Variants in ERCC1 observed in about 807,000 individuals in gnomAD.
ERCC1 encodes the protein DNA excision repair protein ERCC-1.
ERCC1 carries 36 observed loss-of-function variants against 37.6 expected under a neutral mutation model. The ratio of observed to expected loss-of-function variants is 0.96; its 90% CI spans 0.73 to 1.26. The LOEUF (loss-of-function observed/expected upper bound fraction) is 1.26. ERCC1 is among the 50% of genes most tolerant of loss of function. The probability of loss-of-function intolerance (pLI) is 0.00; values close to 1 mark genes in which losing one functional copy is unlikely to be tolerated. For synonymous variants in ERCC1, 156 were observed against 162.1 expected (o/e 0.96, Z 0.28); for missense variants, 349 against 376.5 (o/e 0.93, Z 0.60).
chr19:45,409,892 A>ATTATTTTT (rs1973592706), intron 9 of ERCC1, 167 bp from the exon 10 acceptor site: 1 of 202,006 alleles, frequency 5.0e-6, no homozygotes, highest in Non-Finnish European at 8.2e-6. Context: ...TATTATTATT[A>ATTATTTTT]TTATTTTTTT....
chr19:45,443,777 C>T (rs1975183044), intron 1 of ERCC1, among the ~76,000 whole-genome samples: 1 of 151,952 alleles, frequency 6.6e-6, no homozygotes, highest in African/African-American at 2.4e-5. Context: ...CCCTTGTTTC[C>T]GGCCCGGTTT....
At chr19:45,444,334 G>C (rs1173413595) in intron 1 of ERCC1, among the ~76,000 whole-genome samples, 2 of 99,720 alleles carry the variant, frequency 2.0e-5, no homozygotes, top group African/African-American at 7.7e-5. Flanking sequence ...GCCCAAGGCC[G>C]GCCCGCGCCC....
intron 1 of ERCC1, among the ~76,000 whole-genome samples, chr19:45,434,177 G>A (rs112196554): frequency 1.4e-3 from 171 of 121,148 alleles, no homozygotes; most frequent in African/African-American, 5.4e-3. Context: ...AAAAAAAAAA[G>A]AGGAAGAAGA....
At chr19:45,437,006 T>A (rs1020034884) in intron 1 of ERCC1, among the ~76,000 whole-genome samples, 2 of 152,046 alleles carry the variant, frequency 1.3e-5, no homozygotes, top group African/African-American at 2.4e-5. Context: ...TCCCAGCACT[T>A]TGGGAGGCCA....
chr19:45,416,661 G>T, intron 6 of ERCC1, 160 bp downstream of exon 6: 38 of 558,438 alleles, frequency 6.8e-5, no homozygotes, highest in Non-Finnish European at 9.3e-5. Flanking sequence ...AAAAAATTAA[G>T]ACCTTGTTTT....
At chr19:45,427,779 C>A (rs1974731055), upstream of ERCC1, among the ~76,000 whole-genome samples, 1 of 152,132 alleles carries the variant, frequency 6.6e-6, no homozygotes, top group Non-Finnish European at 1.5e-5. Flanking sequence ...TGCAAGGGGG[C>A]GATGGTGCAC....
At chr19:45,437,383 G>A (rs964760680) in intron 1 of ERCC1, among the ~76,000 whole-genome samples, 4 of 151,928 alleles carry the variant, frequency 2.6e-5, no homozygotes, top group East Asian at 1.9e-4. Flanking sequence ...TCAGGATGTC[G>A]AAGGGTTATC....
chr19:45,440,994 C>G (rs1386223355), intron 1 of ERCC1, among the ~76,000 whole-genome samples: 1 of 152,124 alleles, frequency 6.6e-6, no homozygotes, highest in African/African-American at 2.4e-5. Flanking sequence ...CCTCTGGCCT[C>G]CTCCTAGGAA....
chr19:45,412,286 G>GT (rs1248148914), intron 9 of ERCC1, among the ~76,000 whole-genome samples: 1 of 152,036 alleles, frequency 6.6e-6, no homozygotes, highest in Non-Finnish European at 1.5e-5. Context: ...AGCCACTCAA[G>GT]TAGCTGGGAT....
upstream of ERCC1, among the ~76,000 whole-genome samples, chr19:45,427,082 T>C (rs1171633901): frequency 6.6e-6 from 1 of 151,804 alleles, no homozygotes; most frequent in East Asian, 1.9e-4. Context: ...TGAGCTGCGA[T>C]TGTGCCACTG....
Position 45,408,314 on chromosome 19 carries a change from A to C in ERCC1, c.*1361T>G. ...TGCCTCAGCCCCCCAGGGCACCCTAAGGATCCTTGAGGGTCCCCAGCAATC... is the reference window on the plus strand; with the variant it reads ...TGCCTCAGCCCCCCAGGGCACCCTACGGATCCTTGAGGGTCCCCAGCAATC... On this transcript the variant is annotated 3_prime_UTR_variant, in exon 10 of 10. Transcript: ENST00000300853. The C allele has an allele frequency of 6.2e-7, 1 of 1,610,772 alleles. No individual in the cohort carries two copies. Among genetic ancestry groups the C allele is most frequent in the Non-Finnish European group, 8.5e-7 (1 of 1,177,864 alleles).
Position 45,420,828 on chromosome 19 carries a change from C to T in ERCC1, c.321+350G>A, listed in dbSNP as rs3212950. Among the ~76,000 whole-genome samples, 1 of 151,816 alleles carries T rather than the reference C, an allele frequency of 6.6e-6. No homozygotes were observed. The highest frequency in any genetic ancestry group is 1.5e-5 in the Non-Finnish European group (1 of 67,936). On this transcript the variant is annotated intron_variant, in intron 3 of 9. Coordinates refer to ENST00000300853, the MANE Select transcript of ERCC1 (RefSeq NM_001983.4). The surrounding 1 kb of genome is among the most constrained non-coding windows in gnomAD (Gnocchi z 4.8). ...AGTAGAGATGGGGTGTCACCATATT[C>T]GCCAGACTGGTCTCGAACTCCTGAC...
rs570526401 is a variant in ERCC1 at position 45,411,241 on chromosome 19, G to A, written c.844-1516C>T. On this transcript the variant is annotated intron_variant, in intron 9 of 9. Transcript: ENST00000300853. The stretch of plus-strand genomic sequence containing the variant: ...GTTCTAAGTTTTGGCAATGTGAACT[G>A]TGCTGCAACAAACAGGAGTGCAGAT... 9.8e-5 allele frequency among the ~76,000 whole-genome samples: 15 copies of A among 152,340 alleles called. No homozygotes were observed. The East Asian group carries it at 2.1e-3, about 22-fold the overall frequency.
In ERCC1 at chr19:45,409,047, C is replaced by T. The variant is rs764743323; in HGVS notation, c.*628G>A. The T allele has an allele frequency of 1.2e-6, 2 of 1,614,066 alleles. No homozygotes were observed. The highest frequency in any genetic ancestry group is 3.3e-5 in the Admixed American group (2 of 60,012). On this transcript the variant is annotated 3_prime_UTR_variant, in exon 10 of 10. Coordinates refer to ENST00000300853, the MANE Select transcript of ERCC1 (RefSeq NM_001983.4). The stretch of plus-strand genomic sequence containing the variant: ...CCGGAGATGAAGCCTCTGGAGTCCC[C>T]AGGGGGGACCATGGCGCCTCAACAG...
rs945811300 is a variant in ERCC1, at chr19:45,415,735, C to T, written c.603-775G>A. The stretch of plus-strand genomic sequence containing the variant: ...ACCTGGTAGTAACCACTGCTGGGCG[C>T]ATCTTGATATCTTTTCTGGCTACAG... On this transcript the variant is annotated intron_variant, in intron 6 of 9. Coordinates refer to ENST00000300853, the MANE Select transcript of ERCC1 (RefSeq NM_001983.4). The T allele has an allele frequency of 1.5e-5, 7 of 455,724 alleles. No homozygotes were observed. In the Admixed American group the frequency reaches 1.6e-4, roughly 11 times the overall value. 28.2% of individuals were successfully genotyped at this position (455,724 alleles called of 1,614,324 possible). A position where few individuals can be genotyped will look rare whatever the true frequency, so the allele number is the denominator to read the frequency against.
chr19:45,426,469 T>C (rs1480869260), upstream of ERCC1, among the ~76,000 whole-genome samples: 3 of 150,820 alleles, frequency 2.0e-5, no homozygotes, highest in South Asian at 6.3e-4. Context: ...GAGAATTGCT[T>C]GAACCCTGGA....
chr19:45,418,642 G>GT (rs1974208253), intron 5 of ERCC1, among the ~76,000 whole-genome samples: 1 of 151,980 alleles, frequency 6.6e-6, no homozygotes, highest in Admixed American at 6.6e-5. Context: ...GGCCAACATG[G>GT]TGAAAACCAG....
At chr19:45,410,561 TTCTTTGTG>T (rs1429983367) in intron 9 of ERCC1, 2 of 75,198 alleles carry the variant, frequency 2.7e-5, no homozygotes, top group South Asian at 5.5e-4. Flanking sequence ...TATTCATTCT[TTCTTTGTG>T]TGTGTGTGTG....
chr19:45,413,093 C>T (rs1379506237), intron 9 of ERCC1, among the ~76,000 whole-genome samples: 2 of 152,100 alleles, frequency 1.3e-5, no homozygotes, highest in African/African-American at 4.8e-5. Context: ...CTTTAGTTTC[C>T]TATGCTTATA....
Sources: gnomAD v4.1 joint callset for allele counts (sites outside exome capture counted in the v4.1 genomes callset) on GRCh38, gnomAD v4.1.1 for gene constraint, Gnocchi (gnomAD v3.1) non-coding constraint, MANE v1.5 for transcripts, NCBI Gene and HGNC (gene_info 2026-07-23, HGNC 2026-07-21) for gene names.